Variants in FRMD5 observed in about 807,000 individuals in gnomAD.
The protein encoded by FRMD5 is FERM domain containing 5.
A neutral mutation model predicts 69.0 loss-of-function variants in FRMD5; 20 were observed. The ratio of observed to expected loss-of-function variants is 0.29; its 90% confidence interval spans 0.20 to 0.42. FRMD5 has a LOEUF of 0.42. FRMD5 is among the 10% of genes least tolerant of loss of function. The pLI is 1.00. For synonymous variants in FRMD5, 271 were observed against 260.1 expected (o/e 1.04, Z -0.40); for missense variants, 595 against 708.6 (o/e 0.84, Z 1.82).
At chr15:43,904,292 C>T (rs1467537639) in intron 6 of FRMD5, among the ~76,000 whole-genome samples, 1 of 152,190 alleles carries the variant, frequency 6.6e-6, no homozygotes, top group Non-Finnish European at 1.5e-5. Context: ...ATAGTCTTTC[C>T]TCGGAACAGT....
At chr15:44,036,557 T>C (rs1345476363) in intron 1 of FRMD5, among the ~76,000 whole-genome samples, 1 of 152,164 alleles carries the variant, frequency 6.6e-6, no homozygotes, top group Non-Finnish European at 1.5e-5. Flanking sequence ...AATTTCCTCA[T>C]CAATAAAATG....
At chr15:44,069,158 T>TA (rs1335745565) in intron 1 of FRMD5, among the ~76,000 whole-genome samples, 1 of 152,012 alleles carries the variant, frequency 6.6e-6, no homozygotes, top group African/African-American at 2.4e-5. Flanking sequence ...ATGGCTAAAA[T>TA]AAAAAATAGT....
intron 1 of FRMD5, among the ~76,000 whole-genome samples, chr15:44,181,680 T>A (rs1595564169): frequency 6.6e-6 from 1 of 152,206 alleles, no homozygotes; most frequent in South Asian, 2.1e-4. Context: ...CGTGGGAGGA[T>A]TACTTGAGTC....
At chr15:43,885,894 T>C (rs1185915647) in intron 10 of FRMD5, 139 bp from the exon 11 acceptor site, 3 of 691,616 alleles carry the variant, frequency 4.3e-6, no homozygotes, top group Non-Finnish European at 7.8e-6. Context: ...TGTCTCTGAC[T>C]CTCATTTAGG....
At chr15:44,019,445 AAAAG>A (rs958773864) in intron 1 of FRMD5, among the ~76,000 whole-genome samples, 6 of 151,938 alleles carry the variant, frequency 3.9e-5, no homozygotes, top group African/African-American at 7.3e-5. Flanking sequence ...TAAAAAAAAA[AAAAG>A]AAAGGGCCAG....
chr15:43,919,189 A>G (rs553374911), intron 4 of FRMD5: 2 of 572,364 alleles, frequency 3.5e-6, no homozygotes, highest in East Asian at 7.7e-5. Flanking sequence ...GACGCTTCTG[A>G]TTAGTTACTC....
intron 1 of FRMD5, among the ~76,000 whole-genome samples, chr15:44,192,013 C>A (rs1408813118): frequency 3.4e-5 from 5 of 148,444 alleles, no homozygotes; most frequent in Non-Finnish European, 7.4e-5. Context: ...GAGGAAATGA[C>A]CTTCAAAACT....
intron 1 of FRMD5, among the ~76,000 whole-genome samples, chr15:43,928,793 G>A (rs912883558): frequency 6.6e-6 from 1 of 152,172 alleles, no homozygotes; most frequent in Admixed American, 6.5e-5. Flanking sequence ...TGATTATACC[G>A]GAGAAACAGG....
chr15:43,926,504 G>A (rs1276046100), intron 1 of FRMD5, among the ~76,000 whole-genome samples: 1 of 152,170 alleles, frequency 6.6e-6, no homozygotes. Flanking sequence ...CCCCAAGAAT[G>A]AGCATATTTT....
At chr15:44,196,801 T>A (rs905771284), upstream of FRMD5, among the ~76,000 whole-genome samples, 1 of 150,926 alleles carries the variant, frequency 6.6e-6, no homozygotes, top group Non-Finnish European at 1.5e-5. Flanking sequence ...TCCCCCTTTT[T>A]CTTTCTATCA....
In FRMD5 at chr15:44,016,859, G is replaced by T. The variant is rs529419613; in HGVS notation, c.103-92550C>A. On this transcript the variant is annotated intron_variant, in intron 1 of 13. Transcript: ENST00000417257. ...ACATAATTTTTTTTTTTTTGAGACA[G>T]GGTCTCACTCGGTTTTGCAGGTTGG... Among the ~76,000 whole-genome samples the T allele has an allele frequency of 1.3e-3, 198 of 147,366 alleles. 1 individual carries two copies. Among genetic ancestry groups the T allele is most frequent in the Non-Finnish European group, 2.4e-3 (159 of 67,268 alleles).
chr15:43,968,409 T>G (rs1173675173), intron 1 of FRMD5, among the ~76,000 whole-genome samples: 1 of 152,236 alleles, frequency 6.6e-6, no homozygotes, highest in Admixed American at 6.5e-5. Flanking sequence ...TACCAAGATG[T>G]GAGAAGTTGA....
intron 1 of FRMD5, among the ~76,000 whole-genome samples, chr15:44,173,706 G>A (rs370428592): frequency 1.3e-5 from 2 of 152,052 alleles, no homozygotes; most frequent in East Asian, 3.9e-4. Context: ...TAGAGACAGG[G>A]TTTCACCATG....
At chr15:44,194,855 C>G (rs1448817910) in intron 1 of FRMD5, 98 bp downstream of exon 1, 1 of 1,008,520 alleles carries the variant, frequency 9.9e-7, no homozygotes, top group Non-Finnish European at 1.5e-6. Flanking sequence ...GGCGCTGGGG[C>G]TGGGGCGACC....
intron 1 of FRMD5, among the ~76,000 whole-genome samples, chr15:44,115,804 A>C (rs1396171759): frequency 6.6e-6 from 1 of 152,196 alleles, no homozygotes; most frequent in East Asian, 1.9e-4. Flanking sequence ...GTAGGAAAAA[A>C]CTGCTACAAA....
chr15:43,875,999 C>T, intron 13 of FRMD5: 1 of 1,350,778 alleles, frequency 7.4e-7, no homozygotes, highest in Non-Finnish European at 1.1e-6. Flanking sequence ...TCATCCAACC[C>T]AAGACGCCCC....
At chr15:43,946,735 G>A (rs867079494) in intron 1 of FRMD5, among the ~76,000 whole-genome samples, 2 of 152,154 alleles carry the variant, frequency 1.3e-5, no homozygotes, top group African/African-American at 4.8e-5. Context: ...CAGGATGGAA[G>A]GGGGTCTCCA....
intron 7 of FRMD5, among the ~76,000 whole-genome samples, chr15:43,894,236 T>G (rs905672437): frequency 5.3e-5 from 8 of 152,056 alleles, no homozygotes; most frequent in African/African-American, 1.7e-4. Flanking sequence ...AAGGGTGGCC[T>G]TGAGGTAAGA....
chr15:43,953,381 G>C (rs940269878), intron 1 of FRMD5, among the ~76,000 whole-genome samples: 1 of 152,174 alleles, frequency 6.6e-6, no homozygotes, highest in East Asian at 1.9e-4. Context: ...CTCAATCCTT[G>C]GTGGTGGAGA....
Sources: allele counts gnomAD v4.1 joint callset (sites outside exome capture counted in the v4.1 genomes callset), GRCh38; gene constraint gnomAD v4.1.1; transcripts MANE v1.5; gene names NCBI Gene and HGNC (gene_info 2026-07-23, HGNC 2026-07-21).